ZNF76: variants seen among roughly 807,000 people sequenced by gnomAD.
ZNF76 encodes zinc finger protein 76.
In ZNF76, 66 loss-of-function variants were observed where a neutral mutation model predicts 66.9. The ratio of observed to expected loss-of-function variants is 0.99; its 90% CI spans 0.81 to 1.21. The LOEUF (loss-of-function observed/expected upper bound fraction) is 1.21. Among genes scored for constraint, ZNF76 ranks in the 50% most tolerant of loss-of-function variants. The pLI is 0.00. For synonymous variants in ZNF76, 275 were observed against 296.1 expected (o/e 0.93, Z 0.73); for missense variants, 729 against 760.3 (o/e 0.96, Z 0.48).
At chr6:35,294,010 AC>A in intron 12 of ZNF76, 95 bp downstream of exon 12, 1 of 1,426,674 alleles carries the variant, frequency 7.0e-7, no homozygotes, top group Non-Finnish European at 9.5e-7. Context: ...AAGTCTTCTT[AC>A]CAGGACAAAG....
At chr6:35,271,226 G>C (rs970826796) in intron 1 of ZNF76, among the ~76,000 whole-genome samples, 1 of 152,228 alleles carries the variant, frequency 6.6e-6, no homozygotes, top group Non-Finnish European at 1.5e-5. Context: ...ATGTGAAATT[G>C]CTGGGTCAGA....
At chr6:35,280,069 A>G (rs575946145) in intron 1 of ZNF76, among the ~76,000 whole-genome samples, 12 of 149,872 alleles carry the variant, frequency 8.0e-5, no homozygotes, top group African/African-American at 2.9e-4. Context: ...AGCCTCAAAT[A>G]ATCCTCCTGC....
intron 1 of ZNF76, among the ~76,000 whole-genome samples, chr6:35,263,636 T>C (rs1785563984): frequency 6.6e-6 from 1 of 152,242 alleles, no homozygotes; most frequent in Admixed American, 6.5e-5. Context: ...AAAGGAGTTC[T>C]TGCCTTAGAT....
Position 35,286,086 on chromosome 6 carries a change from T to A in ZNF76, c.74-42T>A, listed in dbSNP as rs1334573935. On this transcript the variant is annotated intron_variant, in intron 2 of 13. Coordinates refer to ENST00000373953, the MANE Select transcript of ZNF76 (RefSeq NM_003427.5). ...AACAGGCAGGCGTTTCTTAGCCCTC[T>A]TCTGGTCCTGGCCCATTTCTCTCTA... 3 of 1,597,734 alleles carry A rather than the reference T, an allele frequency of 1.9e-6. No individual in the cohort carries two copies. In the African/African-American group the frequency reaches 4.0e-5, roughly 21 times the overall value.
chr6:35,279,258 C>A, intron 1 of ZNF76: 1 of 167,420 alleles, frequency 6.0e-6, no homozygotes, highest in South Asian at 1.9e-4. Context: ...TAGCACAAAC[C>A]ATGCCACTGT....
intron 2 of ZNF76, among the ~76,000 whole-genome samples, chr6:35,282,361 T>C (rs1788899573): frequency 6.7e-6 from 1 of 150,100 alleles, no homozygotes; most frequent in Non-Finnish European, 1.5e-5. Flanking sequence ...AATACCAAGT[T>C]CTAAAAAAAA....
chr6:35,286,714 G>A, intron 4 of ZNF76: 4 of 430,612 alleles, frequency 9.3e-6, no homozygotes, highest in East Asian at 4.1e-5. Flanking sequence ...TCCAAGACCA[G>A]GAAAAAAAAC....
chr6:35,281,876 C>G (rs1379301684), intron 2 of ZNF76, among the ~76,000 whole-genome samples: 1 of 149,760 alleles, frequency 6.7e-6, no homozygotes, highest in Non-Finnish European at 1.5e-5. Flanking sequence ...TTTGAGGGTT[C>G]AGTGAACTAT....
intron 2 of ZNF76, among the ~76,000 whole-genome samples, chr6:35,285,123 C>CT (rs1317696832): frequency 8.5e-5 from 13 of 152,232 alleles, no homozygotes; most frequent in African/African-American, 3.1e-4. Context: ...TTTCAAGAGC[C>CT]TTATTAGAAG....
intron 2 of ZNF76, among the ~76,000 whole-genome samples, chr6:35,281,660 A>C (rs1194600150): frequency 6.6e-6 from 1 of 152,200 alleles, no homozygotes; most frequent in African/African-American, 2.4e-5. Context: ...AGCCAGGCAT[A>C]GTGGCTCATG....
chr6:35,262,081 A>G (rs1265810797), intron 1 of ZNF76, among the ~76,000 whole-genome samples: 1 of 152,218 alleles, frequency 6.6e-6, no homozygotes, highest in Non-Finnish European at 1.5e-5. Flanking sequence ...GTATATTTTT[A>G]TACTAGATCT....
rs902614058 is a variant in ZNF76 at position 35,291,954 on chromosome 6, C to T, written c.931+217C>T. The T allele has an allele frequency of 4.9e-6, 3 of 616,754 alleles. No homozygotes were observed. In the African/African-American group the frequency reaches 5.5e-5, roughly 11 times the overall value. 38.2% of individuals were successfully genotyped at this position (616,754 alleles called of 1,614,324 possible). A position where few individuals can be genotyped will look rare whatever the true frequency, so the allele number is the denominator to read the frequency against. On this transcript the variant is annotated intron_variant, in intron 9 of 13. Coordinates refer to ENST00000373953, the MANE Select transcript of ZNF76 (RefSeq NM_003427.5). ...GTCCAATCTGAAAGGTATTGCCAGT[C>T]CTCTCTGGGGTCCCTCAGCTCCCTA...
chr6:35,284,451 TGCAGTGGTACAATC>T (rs1170000042), intron 2 of ZNF76, among the ~76,000 whole-genome samples: 1 of 151,104 alleles, frequency 6.6e-6, no homozygotes, highest in East Asian at 1.9e-4. Context: ...CAGGCTAGAG[TGCAGTGGTACAATC>T]TCAGCTCACT....
chr6:35,292,363 G>T lies in ZNF76; in HGVS notation c.932-191G>T. On this transcript the variant is annotated intron_variant, in intron 9 of 13. Coordinates refer to ENST00000373953, the MANE Select transcript of ZNF76 (RefSeq NM_003427.5). This position sits in a 1 kb window ranked among gnomAD's most constrained non-coding sequence, Gnocchi z 4.7. Reference sequence around the variant, plus strand: ...TTTCCGCCTTGTCTCTGGATTCAGTGGTTCAACACCTGTGTCCTCTCTGTG... The same window carrying T: ...TTTCCGCCTTGTCTCTGGATTCAGTTGTTCAACACCTGTGTCCTCTCTGTG... 1 of 628,480 alleles carries T rather than the reference G, an allele frequency of 1.6e-6. No individual in the cohort carries two copies. Among genetic ancestry groups the T allele is most frequent in the Non-Finnish European group, 2.9e-6 (1 of 348,712 alleles). 38.9% of individuals were successfully genotyped at this position (628,480 alleles called of 1,614,324 possible). A position where few individuals can be genotyped will look rare whatever the true frequency, so the allele number is the denominator to read the frequency against.
intron 1 of ZNF76, among the ~76,000 whole-genome samples, chr6:35,261,325 A>C (rs577335328): frequency 6.6e-6 from 1 of 152,232 alleles, no homozygotes; most frequent in East Asian, 1.9e-4. Context: ...GACATCTTGG[A>C]ATCCCTATCT....
chr6:35,291,517 C>T (rs1222963712), intron 8 of ZNF76, 41 bp from the exon 9 acceptor site: 1 of 1,607,060 alleles, frequency 6.2e-7, no homozygotes, highest in South Asian at 1.1e-5. Context: ...CAGCATGGCC[C>T]TCTTTCCCAC....
chr6:35,260,191 C>A (rs914778959), intron 1 of ZNF76, among the ~76,000 whole-genome samples: 5 of 152,284 alleles, frequency 3.3e-5, no homozygotes, highest in African/African-American at 1.2e-4. Flanking sequence ...CTCAGAGACC[C>A]ACCAACCAGT....
chr6:35,272,674 TG>T (rs1360956043), intron 1 of ZNF76, among the ~76,000 whole-genome samples: 1 of 152,220 alleles, frequency 6.6e-6, no homozygotes, highest in Non-Finnish European at 1.5e-5. Flanking sequence ...GGTCTTGCTT[TG>T]TCACACAGGT....
At position 35,290,736 on chromosome 6, in the gene ZNF76, G is replaced by C. The variant is rs184635420; in HGVS notation, c.625+20G>C. 3.1e-6 allele frequency: 5 copies of C among 1,613,366 alleles called. No homozygotes were observed. In the Admixed American group the frequency reaches 8.3e-5, roughly 27 times the overall value. ...CCACAGGTAACCTGCCTGGTGGGCT[G>C]CTTCCAGTTGAGGGTGGAGGGTTCT... On this transcript the variant is annotated intron_variant, in intron 7 of 13. Coordinates refer to ENST00000373953, the MANE Select transcript of ZNF76 (RefSeq NM_003427.5).
Sources: allele counts gnomAD v4.1 joint callset (sites outside exome capture counted in the v4.1 genomes callset), GRCh38; gene constraint gnomAD v4.1.1; non-coding constraint Gnocchi (gnomAD v3.1); transcripts MANE v1.5; gene names NCBI Gene and HGNC (gene_info 2026-07-23, HGNC 2026-07-21).